PLEKHA1: variants seen among roughly 807,000 people sequenced by gnomAD.
PLEKHA1 encodes pleckstrin homology domain containing A1.
PLEKHA1 carries 34 observed loss-of-function variants against 52.0 expected under a neutral mutation model. That is an observed-to-expected ratio of 0.65 (90% confidence interval 0.50 to 0.87). PLEKHA1 has a LOEUF of 0.87. Among genes scored for constraint, PLEKHA1 ranks in the 40% least tolerant of loss-of-function variants. The pLI is 0.00. For synonymous variants in PLEKHA1, 163 were observed against 170.7 expected, an observed-to-expected ratio of 0.95 and a Z score of 0.35; for missense variants, 497 against 504.2, an observed-to-expected ratio of 0.99 and a Z score of 0.14.
chr10:122,406,558 A>AT lies in PLEKHA1; in HGVS notation c.245-11dup. On this transcript the variant is annotated splice_polypyrimidine_tract_variant and intron_variant, in intron 4 of 11. Transcript: ENST00000368990. Reference sequence around the variant, plus strand: ...TAATAAGTACAATATTTGGTGTGTTATTTTTTTCTGTCAACAGTTATGAAT... The same window carrying AT: ...TAATAAGTACAATATTTGGTGTGTTATTTTTTTTCTGTCAACAGTTATGAAT... The AT allele has an allele frequency of 2.5e-6, 4 of 1,582,606 alleles. No individual in the cohort carries two copies. The highest frequency in any genetic ancestry group is 3.5e-6 in the Non-Finnish European group (4 of 1,152,598).
At chr10:122,415,265 C>T (rs2097156957) in intron 6 of PLEKHA1, among the ~76,000 whole-genome samples, 2 of 152,246 alleles carry the variant, frequency 1.3e-5, no homozygotes, top group South Asian at 4.1e-4. Flanking sequence ...AAATTATAGT[C>T]TTGGAGAACA....
At chr10:122,433,003 C>G (rs191750330), downstream of PLEKHA1, 1 of 152,242 alleles carries the variant, frequency 6.6e-6, no homozygotes, top group Non-Finnish European at 1.5e-5. Flanking sequence ...ATATTCTTTC[C>G]TTAAAGCAAC....
chr10:122,406,110 A>C (rs1220185876), intron 4 of PLEKHA1, among the ~76,000 whole-genome samples: 3 of 152,186 alleles, frequency 2.0e-5, no homozygotes, highest in Non-Finnish European at 2.9e-5. Context: ...ATGAAATAAA[A>C]TGTGTATGTG....
chr10:122,441,672 C>G, the PLEKHA1 span: 7 of 152,146 alleles, frequency 4.6e-5, no homozygotes, highest in African/African-American at 9.7e-5. Flanking sequence ...CATGAACCGG[C>G]TCTGACCAAC....
intron 3 of PLEKHA1, among the ~76,000 whole-genome samples, chr10:122,399,994 G>A (rs886286012): frequency 2.0e-5 from 3 of 152,154 alleles, no homozygotes; most frequent in African/African-American, 7.2e-5. Flanking sequence ...CATAGTTCTT[G>A]TAGAATATTC....
intron 1 of PLEKHA1, among the ~76,000 whole-genome samples, chr10:122,376,244 AC>A (rs2096532903): frequency 6.6e-6 from 1 of 152,058 alleles, no homozygotes; most frequent in African/African-American, 2.4e-5. Flanking sequence ...TCCTGTTGAC[AC>A]ACTTGTGGCA....
At chr10:122,397,776 T>C in intron 2 of PLEKHA1, 142 bp from the exon 3 acceptor site, 1 of 624,922 alleles carries the variant, frequency 1.6e-6, no homozygotes. Context: ...TAGTAAAAAT[T>C]TGAACAGAAG....
intron 4 of PLEKHA1, among the ~76,000 whole-genome samples, chr10:122,405,409 TAATG>T (rs202242139): frequency 0.014 from 2,185 of 152,114 alleles, 30 homozygotes; most frequent in Middle Eastern, 0.041. Context: ...TATAAATTAA[TAATG>T]AATTCAGGAG....
At chr10:122,400,322 C>T (rs113306148) in intron 3 of PLEKHA1, 21 bp from the exon 4 acceptor site, 16,927 of 1,588,960 alleles carry the variant, frequency 0.011, 113 homozygotes, top group Non-Finnish European at 0.012. Context: ...GTGAGGAACC[C>T]GTCTCTATTT....
chr10:122,388,059 A>G (rs2096725031), intron 1 of PLEKHA1: 1 of 152,186 alleles, frequency 6.6e-6, no homozygotes, highest in African/African-American at 2.4e-5. Flanking sequence ...TTTAGTGCGT[A>G]CAACCCAATG....
intron 4 of PLEKHA1, among the ~76,000 whole-genome samples, chr10:122,405,039 A>G (rs2096987915): frequency 6.6e-6 from 1 of 152,210 alleles, no homozygotes; most frequent in African/African-American, 2.4e-5. Context: ...ATGCTTTTAA[A>G]AATAAATGCA....
intron 4 of PLEKHA1, among the ~76,000 whole-genome samples, chr10:122,405,952 A>G (rs973727109): frequency 5.3e-5 from 8 of 152,124 alleles, no homozygotes; most frequent in Admixed American, 3.9e-4. Context: ...GTCTCTCATC[A>G]GTACCTCCCA....
At chr10:122,415,148 A>G (rs2097155270) in intron 6 of PLEKHA1, among the ~76,000 whole-genome samples, 2 of 152,206 alleles carry the variant, frequency 1.3e-5, no homozygotes, top group Admixed American at 6.5e-5. Context: ...TCTAGATACA[A>G]GGAACAGTCT....
the PLEKHA1 span, chr10:122,438,151 G>C: frequency 1.3e-5 from 2 of 152,284 alleles, no homozygotes; most frequent in Non-Finnish European, 2.9e-5. Flanking sequence ...AGCTACTTGG[G>C]AGGCTGAGGC....
downstream of PLEKHA1, chr10:122,435,218 C>T (rs2097433794): frequency 6.6e-6 from 1 of 152,142 alleles, no homozygotes; most frequent in Non-Finnish European, 1.5e-5. Flanking sequence ...TACCAGATCT[C>T]AGTGTTCAGA....
At position 122,429,820 on chromosome 10, in the gene PLEKHA1, C is replaced by T; in HGVS notation, c.1097C>T (p.Pro366Leu). 3 of 1,614,176 alleles carry T rather than the reference C, an allele frequency of 1.9e-6. No homozygotes were observed. Among genetic ancestry groups the T allele is most frequent in the Non-Finnish European group, 2.5e-6 (3 of 1,180,040 alleles). ...FKVQTVSPRE[P>L]ASKVTEQALL... ...GTCCAGACTGTCTCTCCAAGAGAAC[C>T]AGCTTCCAAAGTGACTGAACAAGCT... Residue 366 changes from proline to leucine, a missense_variant, in exon 12 of 12, where the codon CCA becomes CTA. Physicochemically the swap from Pro to Leu is moderately conservative, Grantham distance 98. Transcript: ENST00000368990.
chr10:122,394,863 A>G (rs1191995844), intron 2 of PLEKHA1, among the ~76,000 whole-genome samples: 1 of 152,154 alleles, frequency 6.6e-6, no homozygotes, highest in Non-Finnish European at 1.5e-5. Context: ...CTGTGTTCCT[A>G]CATAATAGAT....
chr10:122,429,259 T>G (rs1034963327), intron 11 of PLEKHA1, among the ~76,000 whole-genome samples: 1 of 152,198 alleles, frequency 6.6e-6, no homozygotes, highest in African/African-American at 2.4e-5. Context: ...AATAAAATGA[T>G]ACAGCTGGGA....
chr10:122,390,301 G>T (rs1030936042), intron 1 of PLEKHA1, among the ~76,000 whole-genome samples: 4 of 152,166 alleles, frequency 2.6e-5, no homozygotes, highest in African/African-American at 9.7e-5. Flanking sequence ...CTTCATATCA[G>T]CAATAAAGCT....
Sources: gnomAD v4.1 joint callset for allele counts (sites outside exome capture counted in the v4.1 genomes callset) on GRCh38, gnomAD v4.1.1 for gene constraint, MANE v1.5 for transcripts, NCBI Gene and HGNC (gene_info 2026-07-23, HGNC 2026-07-21) for gene names.